Variants in FAXC observed in about 807,000 individuals in gnomAD.
The protein encoded by FAXC is failed axon connections homolog, metaxin like GST domain containing, also known as failed axon connections homolog.
In FAXC, 10 loss-of-function variants were observed where a neutral mutation model predicts 41.9. The observed-to-expected ratio is 0.24, with a 90% CI of 0.15 to 0.41. FAXC has a LOEUF of 0.41. Among genes scored for constraint, FAXC ranks in the 10% least tolerant of loss-of-function variants. The pLI is 1.00. For missense variants in FAXC, 399 were observed against 510.9 expected (o/e 0.78, Z 2.11); for synonymous variants, 183 against 183.8 (o/e 1.00, Z 0.03).
intron 4 of FAXC, among the ~76,000 whole-genome samples, chr6:99,323,072 G>A (rs181262056): frequency 2.8e-4 from 42 of 152,286 alleles, no homozygotes; most frequent in East Asian, 5.8e-4. Context: ...TCTGAGCAGC[G>A]TGTTCCTAAA....
chr6:99,348,868 C>T (rs1447725643), intron 1 of FAXC, among the ~76,000 whole-genome samples: 2 of 152,222 alleles, frequency 1.3e-5, no homozygotes, highest in Non-Finnish European at 2.9e-5. Flanking sequence ...ACAAGTGACC[C>T]AGAGCATTTT....
rs961109566 is a variant in FAXC at position 99,279,064 on chromosome 6, T to A, written c.*2100A>T. Reference sequence around the variant, plus strand: ...GACAGGTCTGCAGTCCACCTGTTCATTATATTCATATTTTCAGTCCAGGAG... The same window carrying A: ...GACAGGTCTGCAGTCCACCTGTTCAATATATTCATATTTTCAGTCCAGGAG... On this transcript the variant is annotated 3_prime_UTR_variant, in exon 6 of 6. Transcript: ENST00000389677. 1 of 152,138 alleles carries A rather than the reference T, an allele frequency of 6.6e-6. No homozygotes were observed. The highest frequency in any genetic ancestry group is 1.9e-4 in the East Asian group (1 of 5,178). 9.4% of individuals were successfully genotyped at this position (152,138 alleles called of 1,614,324 possible). A position where few individuals can be genotyped will look rare whatever the true frequency, so the allele number is the denominator to read the frequency against.
In FAXC at chr6:99,277,279, G is replaced by A. The variant is rs1770662847; in HGVS notation, c.*3885C>T. ...CCCATCAGGGCCAAAGAGCTTTTTAGAAAGATTAATCCATTTGTAGTGGAT... is the reference window on the plus strand; with the variant it reads ...CCCATCAGGGCCAAAGAGCTTTTTAAAAAGATTAATCCATTTGTAGTGGAT... On this transcript the variant is annotated 3_prime_UTR_variant, in exon 6 of 6. Coordinates refer to ENST00000389677, the MANE Select transcript of FAXC (RefSeq NM_032511.4). 1 of 152,308 alleles carries A rather than the reference G, an allele frequency of 6.6e-6. No homozygotes were observed. The highest frequency in any genetic ancestry group is 1.5e-5 in the Non-Finnish European group (1 of 68,118). The allele number at this position is 152,308 out of a possible 1,614,324, so 9.4% of individuals were successfully genotyped here. A position where few individuals can be genotyped will look rare whatever the true frequency, so the allele number is the denominator to read the frequency against.
intron 3 of FAXC, among the ~76,000 whole-genome samples, chr6:99,332,608 A>G (rs545368016): frequency 2.4e-4 from 36 of 152,328 alleles, no homozygotes; most frequent in African/African-American, 8.4e-4. Context: ...GGGAAAACTC[A>G]TCAACTCGTG....
Position 99,275,901 on chromosome 6 carries a change from T to G in FAXC, c.*5263A>C, listed in dbSNP as rs1444130598. On this transcript the variant is annotated 3_prime_UTR_variant, in exon 6 of 6. Coordinates refer to ENST00000389677, the MANE Select transcript of FAXC (RefSeq NM_032511.4). ...TCCTCACCCAACAAGGGAATCCTTT[T>G]GAACTTCCCAAGTTATATCCAGACC... 2 of 152,188 alleles carry G rather than the reference T, an allele frequency of 1.3e-5. No individual in the cohort carries two copies. The highest frequency in any genetic ancestry group is 4.8e-5 in the African/African-American group (2 of 41,444). The allele number at this position is 152,188 out of a possible 1,614,324, so 9.4% of individuals were successfully genotyped here.
intron 4 of FAXC, among the ~76,000 whole-genome samples, chr6:99,311,642 A>C (rs1772163368): frequency 6.6e-6 from 1 of 151,820 alleles, no homozygotes. Context: ...AACTAGAAAG[A>C]CCTCCCATTT....
chr6:99,328,818 C>T (rs1482643376), intron 3 of FAXC, among the ~76,000 whole-genome samples: 6 of 152,180 alleles, frequency 3.9e-5, no homozygotes, highest in Non-Finnish European at 5.9e-5. Flanking sequence ...AGCCTTTGAG[C>T]CACTTGATAA....
intron 3 of FAXC, among the ~76,000 whole-genome samples, chr6:99,332,518 A>C (rs1459397640): frequency 6.6e-6 from 1 of 152,206 alleles, no homozygotes. Context: ...ACCATAGACT[A>C]ATGAGTTTGT....
intron 2 of FAXC, among the ~76,000 whole-genome samples, chr6:99,337,181 G>A (rs1773245700): frequency 6.6e-6 from 1 of 151,964 alleles, no homozygotes; most frequent in African/African-American, 2.4e-5. Flanking sequence ...AGCAAAGGAG[G>A]AGACATTAAC....
chr6:99,290,835 G>A (rs543019230), intron 5 of FAXC, among the ~76,000 whole-genome samples: 12 of 149,902 alleles, frequency 8.0e-5, no homozygotes, highest in Non-Finnish European at 1.0e-4. Flanking sequence ...AATTTAAGAC[G>A]GAGTCTTGCT....
At chr6:99,313,901 C>G (rs932499540) in intron 4 of FAXC, among the ~76,000 whole-genome samples, 1 of 152,198 alleles carries the variant, frequency 6.6e-6, no homozygotes, top group Non-Finnish European at 1.5e-5. Context: ...TCAGCATACC[C>G]ACACCTGAAA....
At chr6:99,308,212 G>A (rs1341409131) in intron 4 of FAXC, among the ~76,000 whole-genome samples, 1 of 152,200 alleles carries the variant, frequency 6.6e-6, no homozygotes, top group Non-Finnish European at 1.5e-5. Context: ...CAGGAGAATT[G>A]CTTGAACCTG....
At chr6:99,325,771 T>C (rs993657886) in intron 3 of FAXC, among the ~76,000 whole-genome samples, 4 of 152,228 alleles carry the variant, frequency 2.6e-5, no homozygotes, top group Non-Finnish European at 5.9e-5. Flanking sequence ...TGGAATTCAA[T>C]GGTTTTAGGA....
chr6:99,282,060 T>C (rs1770860875), intron 5 of FAXC, among the ~76,000 whole-genome samples: 1 of 152,168 alleles, frequency 6.6e-6, no homozygotes, highest in Non-Finnish European at 1.5e-5. Flanking sequence ...GTGTGCTGAA[T>C]GAAATGAAGA....
chr6:99,321,422 A>G (rs775662957), intron 4 of FAXC, among the ~76,000 whole-genome samples: 9 of 152,236 alleles, frequency 5.9e-5, no homozygotes, highest in Middle Eastern at 3.2e-3. Context: ...CACTTATTCA[A>G]TAAATGAAAT....
rs1770564278 is a variant in FAXC, at chr6:99,275,391, T to C, written c.*5773A>G. On this transcript the variant is annotated 3_prime_UTR_variant, in exon 6 of 6. Transcript: ENST00000389677. ...TGTTTTCCTACTGAAATGGTCAGTT[T>C]GGTGCTGCTAGACCATATCTGTAGG... 1 of 152,264 alleles carries C rather than the reference T, an allele frequency of 6.6e-6. No homozygotes were observed. Among genetic ancestry groups the C allele is most frequent in the African/African-American group, 2.4e-5 (1 of 41,476 alleles). 9.4% of individuals were successfully genotyped at this position (152,264 alleles called of 1,614,324 possible). A position where few individuals can be genotyped will look rare whatever the true frequency, so the allele number is the denominator to read the frequency against.
chr6:99,292,563 T>C lies in FAXC; in HGVS notation c.824-743A>G, dbSNP rs532151358. Among the ~76,000 whole-genome samples the C allele has an allele frequency of 7.2e-5, 11 of 152,290 alleles. No individual in the cohort carries two copies. The East Asian group carries it at 7.7e-4, about 11-fold the overall frequency. On this transcript the variant is annotated intron_variant, in intron 4 of 5. Coordinates refer to ENST00000389677, the MANE Select transcript of FAXC (RefSeq NM_032511.4). ...GGCTACTGTTAGACACTACTGCATA[T>C]GGAGGGAGCACTAGGGGAGATGGAG... is the stretch of plus-strand genomic sequence containing the variant.
At chr6:99,318,302 C>CAAAAAAAAAA (rs1328926883) in intron 4 of FAXC, among the ~76,000 whole-genome samples, 1 of 104,632 alleles carries the variant, frequency 9.6e-6, no homozygotes, top group East Asian at 2.7e-4. Flanking sequence ...CACACACACA[C>CAAAAAAAAAA]ACACAAAATA....
Position 99,305,917 on chromosome 6 carries a change from T to A in FAXC, c.824-14097A>T, listed in dbSNP as rs138090358. On this transcript the variant is annotated intron_variant, in intron 4 of 5. Coordinates refer to ENST00000389677, the MANE Select transcript of FAXC (RefSeq NM_032511.4). ...ACAGTGACAAATGGAACAGACAAGG[T>A]CACTGCTCTCACGGAGTTTACATCA... Among the ~76,000 whole-genome samples the A allele has an allele frequency of 2.9e-3, 447 of 152,068 alleles. 2 individuals carry two copies. Among genetic ancestry groups the A allele is most frequent in the African/African-American group, 9.9e-3 (412 of 41,470 alleles).
Sources: allele counts gnomAD v4.1 joint callset (sites outside exome capture counted in the v4.1 genomes callset), GRCh38; gene constraint gnomAD v4.1.1; transcripts MANE v1.5; gene names NCBI Gene and HGNC (gene_info 2026-07-23, HGNC 2026-07-21).